FAM167A: variants seen among roughly 807,000 people sequenced by gnomAD.
FAM167A encodes the protein family with sequence similarity 167 member A.
FAM167A carries 23 observed loss-of-function variants against 14.9 expected under a neutral mutation model. That is an observed-to-expected ratio of 1.55 (90% CI 1.11 to 2.19). The LOEUF (loss-of-function observed/expected upper bound fraction) is 2.19, where lower values mean the gene tolerates loss of function less well. Among genes scored for constraint, FAM167A ranks in the 30% most tolerant of loss-of-function variants. The pLI is 0.00. For synonymous variants in FAM167A, 174 were observed against 117.7 expected (o/e 1.48, Z -3.10); for missense variants, 401 against 281.5 (o/e 1.42, Z -3.04).
intron 1 of FAM167A, among the ~76,000 whole-genome samples, chr8:11,465,187 G>A (rs1807710228): frequency 6.6e-6 from 1 of 152,116 alleles, no homozygotes; most frequent in South Asian, 2.1e-4. Context: ...AAGCAGGCAG[G>A]GGACCTTCTC....
At chr8:11,427,579 C>A (rs929829747) in intron 2 of FAM167A, among the ~76,000 whole-genome samples, 1 of 152,182 alleles carries the variant, frequency 6.6e-6, no homozygotes, top group Non-Finnish European at 1.5e-5. Flanking sequence ...TCACTTTCTC[C>A]CTGTTAGGTT....
At chr8:11,468,952 G>A (rs1316248736), upstream of FAM167A, among the ~76,000 whole-genome samples, 7 of 152,168 alleles carry the variant, frequency 4.6e-5, no homozygotes, top group Non-Finnish European at 4.4e-5. Flanking sequence ...GAAAGAGGAA[G>A]GGGAGGAGGA....
In FAM167A at chr8:11,422,374, GTGT is replaced by G. The variant is rs535982735; in HGVS notation, c.*1996_*1998del. 8,414 of 91,724 alleles carry G rather than the reference GTGT, an allele frequency of 0.092. 287 individuals carry two copies. The highest frequency in any genetic ancestry group is 0.16 in the African/African-American group (3,777 of 23,814). The allele number at this position is 91,724 out of a possible 1,614,324, so 5.7% of individuals were successfully genotyped here. ...CTCTGTCGTGTGTGTGTGTGTGGGG[GTGT>G]GTGTGTGTGTGTGTGTGTGTGTGTG... On this transcript the variant is annotated 3_prime_UTR_variant, in exon 3 of 3. Coordinates refer to ENST00000284486, the MANE Select transcript of FAM167A (RefSeq NM_053279.3).
At chr8:11,435,133 T>G (rs1805918576) in intron 2 of FAM167A, 1 of 456,606 alleles carries the variant, frequency 2.2e-6, no homozygotes, top group Non-Finnish European at 4.4e-6. Context: ...TCCCTTGACC[T>G]CTCCAGCCTC....
chr8:11,436,777 G>A (rs1054010996), intron 2 of FAM167A, among the ~76,000 whole-genome samples: 1 of 152,190 alleles, frequency 6.6e-6, no homozygotes, highest in Non-Finnish European at 1.5e-5. Context: ...CTTTTCTTGG[G>A]TTCTCTATCC....
upstream of FAM167A, among the ~76,000 whole-genome samples, chr8:11,469,135 C>G (rs1354306004): frequency 6.6e-6 from 1 of 152,148 alleles, no homozygotes; most frequent in African/African-American, 2.4e-5. Context: ...ACTGGGACAC[C>G]AAATCCTGTG....
intron 2 of FAM167A, among the ~76,000 whole-genome samples, chr8:11,441,843 T>C (rs1470555428): frequency 2.0e-5 from 3 of 152,172 alleles, no homozygotes; most frequent in Non-Finnish European, 2.9e-5. Context: ...CCATGCATTC[T>C]GTTGCCTGCT....
At chr8:11,451,921 C>G (rs560204560) in intron 1 of FAM167A, among the ~76,000 whole-genome samples, 3 of 152,286 alleles carry the variant, frequency 2.0e-5, no homozygotes, top group East Asian at 3.9e-4. Context: ...ACCTGACAGC[C>G]TTACAATAAT....
chr8:11,424,693 G>A, intron 2 of FAM167A, 57 bp from the exon 3 acceptor site: 3 of 1,592,792 alleles, frequency 1.9e-6, no homozygotes, highest in South Asian at 1.1e-5. Flanking sequence ...TCCCTGACAG[G>A]CACAGACTGG....
At chr8:11,463,755 T>A (rs1807633867) in intron 1 of FAM167A, among the ~76,000 whole-genome samples, 2 of 152,180 alleles carry the variant, frequency 1.3e-5, no homozygotes, top group African/African-American at 4.8e-5. Context: ...GCTTGGTCCA[T>A]GCCCCCAGTG....
Position 11,433,359 on chromosome 8 carries a change from A to C in FAM167A, c.382-8723T>G, listed in dbSNP as rs1252596466. 2.6e-5 allele frequency among the ~76,000 whole-genome samples: 4 copies of C among 152,248 alleles called. No individual in the cohort carries two copies. In the East Asian group the frequency reaches 5.8e-4, roughly 22 times the overall value. Reference sequence around the variant, plus strand: ...CCACCAGACAAATCCTCCCCTTTCCAACAAAAGTCTTACCCGAAACCCTAT... The same window carrying C: ...CCACCAGACAAATCCTCCCCTTTCCCACAAAAGTCTTACCCGAAACCCTAT... On this transcript the variant is annotated intron_variant, in intron 2 of 2. Transcript: ENST00000284486.
intron 1 of FAM167A, among the ~76,000 whole-genome samples, chr8:11,473,726 C>T (rs1393144749): frequency 6.6e-6 from 1 of 152,206 alleles, no homozygotes; most frequent in African/African-American, 2.4e-5. Context: ...GTTTCCTCCT[C>T]TACACATTGG....
intron 1 of FAM167A, 87 bp downstream of exon 1, chr8:11,466,539 C>T (rs138554715): frequency 0.013 from 2,027 of 152,424 alleles, 30 homozygotes; most frequent in Non-Finnish European, 0.018. Context: ...GGACCTGCGA[C>T]GCCTCAGCCC....
At chr8:11,464,060 G>A (rs1376963817) in intron 1 of FAM167A, among the ~76,000 whole-genome samples, 1 of 152,194 alleles carries the variant, frequency 6.6e-6, no homozygotes, top group Non-Finnish European at 1.5e-5. Context: ...CTACTGCTCA[G>A]CAAAGTCCTC....
intron 1 of FAM167A, among the ~76,000 whole-genome samples, chr8:11,466,174 C>T (rs185314888): frequency 6.6e-6 from 1 of 152,248 alleles, no homozygotes; most frequent in Non-Finnish European, 1.5e-5. Flanking sequence ...TGCCCTGGGC[C>T]ACCTCCCATT....
intron 1 of FAM167A, chr8:11,445,570 C>T (rs1806736095): frequency 6.1e-6 from 6 of 985,396 alleles, no homozygotes; most frequent in Middle Eastern, 5.2e-4. Flanking sequence ...CATGGCAGCA[C>T]CTGTTTGGTA....
chr8:11,427,207 G>C (rs1177579672), intron 2 of FAM167A, among the ~76,000 whole-genome samples: 1 of 152,118 alleles, frequency 6.6e-6, no homozygotes, highest in Non-Finnish European at 1.5e-5. Context: ...GTTTAACCTT[G>C]ATGGGCCTCA....
Position 11,475,092 on chromosome 8 carries a change from A to T in FAM167A, c.-398+774T>A, listed in dbSNP as rs79859263. 6.0e-4 allele frequency among the ~76,000 whole-genome samples: 91 copies of T among 152,264 alleles called. 1 individual carries two copies. The East Asian group carries it at 0.016, about 27-fold the overall frequency. Reference sequence around the variant, plus strand: ...CTCTTACTGTCTCATAAAGGCCTTGATCCAGCAGACTGGGCAGTCCAGTGG... The same window carrying T: ...CTCTTACTGTCTCATAAAGGCCTTGTTCCAGCAGACTGGGCAGTCCAGTGG... On this transcript the variant is annotated intron_variant, in intron 1 of 1. Coordinates refer to the FAM167A transcript ENST00000648766.
chr8:11,435,550 G>T (rs531008614), intron 2 of FAM167A, among the ~76,000 whole-genome samples: 59 of 152,230 alleles, frequency 3.9e-4, no homozygotes, highest in East Asian at 1.2e-3. Flanking sequence ...CTGTCTCCAC[G>T]GCTGGGACAG....
Sources: gnomAD v4.1 joint callset for allele counts (sites outside exome capture counted in the v4.1 genomes callset) on GRCh38, gnomAD v4.1.1 for gene constraint, MANE v1.5 for transcripts, NCBI Gene and HGNC (gene_info 2026-07-23, HGNC 2026-07-21) for gene names.